ARSG: variants seen among roughly 807,000 people sequenced by gnomAD.
The protein encoded by ARSG is arylsulfatase G, also known as ASG.
A neutral mutation model predicts 50.5 loss-of-function variants in ARSG; 37 were observed. The ratio of observed to expected loss-of-function variants is 0.73; its 90% CI spans 0.56 to 0.96. ARSG has a LOEUF of 0.96. Among genes scored for constraint, ARSG ranks in the 50% least tolerant of loss-of-function variants. ARSG has a pLI of 0.00. For synonymous variants in ARSG, 225 were observed against 254.6 expected (o/e 0.88, Z 1.11); for missense variants, 629 against 675.3 (o/e 0.93, Z 0.76).
intron 6 of ARSG, among the ~76,000 whole-genome samples, chr17:68,359,060 G>C (rs932413626): frequency 3.9e-5 from 6 of 152,026 alleles, no homozygotes; most frequent in African/African-American, 1.4e-4. Context: ...CTACTCGGGA[G>C]GCTGAGGCAG....
At chr17:68,354,482 G>A (rs1006403703) in intron 5 of ARSG, among the ~76,000 whole-genome samples, 1 of 151,656 alleles carries the variant, frequency 6.6e-6, no homozygotes, top group Non-Finnish European at 1.5e-5. Context: ...AGGAGAGAGA[G>A]AAAAACAGGA....
chr17:68,364,016 C>T (rs1296456155), intron 6 of ARSG, among the ~76,000 whole-genome samples: 1 of 152,192 alleles, frequency 6.6e-6, no homozygotes, highest in Non-Finnish European at 1.5e-5. Flanking sequence ...CCTTCACCTC[C>T]AGGCCTGCCT....
downstream of ARSG, chr17:68,426,042 T>G: frequency 3.1e-6 from 5 of 1,589,600 alleles, no homozygotes; most frequent in Non-Finnish European, 4.3e-6. Flanking sequence ...GCACACAGAC[T>G]GAGCCGCCCA....
At chr17:68,305,623 A>AT (rs1368299633) in intron 1 of ARSG, among the ~76,000 whole-genome samples, 1 of 152,226 alleles carries the variant, frequency 6.6e-6, no homozygotes. Flanking sequence ...CATGAAAAAA[A>AT]TTTTTTGAAA....
At chr17:68,267,874 C>T (rs1323645393) in intron 1 of ARSG, 1 of 152,216 alleles carries the variant, frequency 6.6e-6, no homozygotes, top group Non-Finnish European at 1.5e-5. Context: ...CTCGCTATAA[C>T]ATAATTGTCT....
chr17:68,410,867 G>A (rs1363456662), intron 11 of ARSG, among the ~76,000 whole-genome samples: 5 of 152,038 alleles, frequency 3.3e-5, no homozygotes, highest in Admixed American at 6.6e-5. Flanking sequence ...TGTATGTGTC[G>A]AGGAATTTAT....
At chr17:68,430,039 G>T in the ARSG span, 1 of 1,614,192 alleles carries the variant, frequency 6.2e-7, no homozygotes, top group South Asian at 1.1e-5. Flanking sequence ...AAGTTCAAGC[G>T]TGCAGTGGCA....
At chr17:68,263,399 T>C (rs1413660669) in intron 1 of ARSG, among the ~76,000 whole-genome samples, 4 of 152,250 alleles carry the variant, frequency 2.6e-5, no homozygotes, top group Admixed American at 6.5e-5. Context: ...TGTATACTTA[T>C]AGCAGTGATC....
intron 1 of ARSG, among the ~76,000 whole-genome samples, chr17:68,305,499 A>G (rs2076572785): frequency 6.6e-6 from 1 of 152,218 alleles, no homozygotes. Context: ...TAATCAACAT[A>G]AAATCCACAG....
chr17:68,339,252 CGCACCACT>C (rs2078163617), intron 2 of ARSG, among the ~76,000 whole-genome samples: 1 of 151,902 alleles, frequency 6.6e-6, no homozygotes, highest in Non-Finnish European at 1.5e-5. Flanking sequence ...GAGCCGAGAT[CGCACCACT>C]GCACTCCAGC....
chr17:68,366,100 G>T (rs2079532672), intron 6 of ARSG, among the ~76,000 whole-genome samples: 1 of 151,962 alleles, frequency 6.6e-6, no homozygotes, highest in Non-Finnish European at 1.5e-5. Context: ...ACCACGCCTG[G>T]CTAATTTTTG....
intron 11 of ARSG, among the ~76,000 whole-genome samples, chr17:68,414,619 T>C (rs534076233): frequency 9.2e-5 from 14 of 152,352 alleles, no homozygotes; most frequent in African/African-American, 3.4e-4. Context: ...CTTCTTTGAA[T>C]GTCTGGTGGA....
At chr17:68,402,953 A>T (rs1429224234) in intron 11 of ARSG, among the ~76,000 whole-genome samples, 1 of 152,224 alleles carries the variant, frequency 6.6e-6, no homozygotes, top group Non-Finnish European at 1.5e-5. Flanking sequence ...AACAAAAAAT[A>T]AAAAAAGGAA....
intron 1 of ARSG, among the ~76,000 whole-genome samples, chr17:68,300,647 G>C (rs1218536731): frequency 6.6e-6 from 1 of 152,084 alleles, no homozygotes; most frequent in East Asian, 1.9e-4. Context: ...AGGGCTACTG[G>C]GTTTTTAGAT....
At chr17:68,370,413 G>T in intron 7 of ARSG, 31 bp from the exon 8 acceptor site, 2 of 1,609,348 alleles carry the variant, frequency 1.2e-6, no homozygotes, top group Non-Finnish European at 1.7e-6. Context: ...CAACCAGCCT[G>T]GTGACCATTA....
chr17:68,340,139 A>C (rs1369317277), intron 2 of ARSG, among the ~76,000 whole-genome samples: 4 of 152,216 alleles, frequency 2.6e-5, no homozygotes, highest in Non-Finnish European at 5.9e-5. Context: ...CTAAAGTGTC[A>C]AGATGAATGT....
chr17:68,451,115 T>C, the ARSG span, among the ~76,000 whole-genome samples: 1 of 152,344 alleles, frequency 6.6e-6, no homozygotes, highest in Admixed American at 6.5e-5. Context: ...TTCAGAGTCC[T>C]TTCCAAATAT....
intron 1 of ARSG, among the ~76,000 whole-genome samples, chr17:68,269,630 C>T (rs1331795059): frequency 1.5e-5 from 2 of 137,194 alleles, no homozygotes; most frequent in African/African-American, 2.8e-5. Flanking sequence ...TAATATTCTT[C>T]GGTAGGAAGG....
intron 2 of ARSG, among the ~76,000 whole-genome samples, chr17:68,309,733 C>T (rs782199160): frequency 2.6e-5 from 4 of 151,844 alleles, no homozygotes; most frequent in South Asian, 2.1e-4. Flanking sequence ...GTGGCAGGCA[C>T]CTGTGACCCC....
Sources: allele counts gnomAD v4.1 joint callset (sites outside exome capture counted in the v4.1 genomes callset), GRCh38; gene constraint gnomAD v4.1.1; transcripts MANE v1.5; gene names NCBI Gene and HGNC (gene_info 2026-07-23, HGNC 2026-07-21).